Variants in EFHC2 observed in about 807,000 individuals in gnomAD.
The protein encoded by EFHC2 is EF-hand domain-containing family member C2.
A neutral mutation model predicts 52.7 loss-of-function variants in EFHC2; 18 were observed. The observed-to-expected ratio is 0.34, with a 90% CI of 0.24 to 0.51. The LOEUF is 0.51. Among genes scored for constraint, EFHC2 ranks in the 20% least tolerant of loss-of-function variants. The pLI is 0.97. For missense variants in EFHC2, 513 were observed against 562.5 expected (o/e 0.91, Z 0.89); for synonymous variants, 203 against 204.1 (o/e 0.99, Z 0.04).
intron 8 of EFHC2, among the ~76,000 whole-genome samples, chrX:44,236,133 G>A (rs1444598032): frequency 9.1e-6 from 1 of 109,372 alleles, no homozygotes; most frequent in Non-Finnish European, 1.9e-5. Flanking sequence ...TTTTTACATT[G>A]TAAGTATTCA....
intron 2 of EFHC2, among the ~76,000 whole-genome samples, chrX:44,290,756 C>T (rs1182088478): frequency 8.9e-6 from 1 of 111,996 alleles, no homozygotes; most frequent in African/African-American, 3.2e-5. Context: ...TATGAGTTGA[C>T]CCAACCTCCA....
At chrX:44,253,722 G>T (rs1234035918) in intron 4 of EFHC2, among the ~76,000 whole-genome samples, 1 of 112,126 alleles carries the variant, frequency 8.9e-6, no homozygotes, top group Non-Finnish European at 1.9e-5. Flanking sequence ...CGTTCCTCCT[G>T]CCAGCTCTAA....
chrX:44,327,269 A>G (rs2038058850), intron 1 of EFHC2, among the ~76,000 whole-genome samples: 1 of 111,924 alleles, frequency 8.9e-6, no homozygotes, highest in African/African-American at 3.2e-5. Context: ...GGAAGGGAGG[A>G]AATAGACCAA....
At chrX:44,256,377 AATAG>A (rs1468980809) in intron 4 of EFHC2, among the ~76,000 whole-genome samples, 2 of 111,923 alleles carry the variant, frequency 1.8e-5, no homozygotes, top group African/African-American at 6.5e-5. Context: ...AGATCAACAA[AATAG>A]ATAGACTGCT....
At chrX:44,258,030 G>C (rs983412211) in intron 4 of EFHC2, among the ~76,000 whole-genome samples, 2 of 111,933 alleles carry the variant, frequency 1.8e-5, no homozygotes, top group Non-Finnish European at 3.8e-5. Context: ...AACAAGCAAT[G>C]AGGAAAGGAT....
intron 11 of EFHC2, among the ~76,000 whole-genome samples, chrX:44,192,753 A>G (rs1163859924): frequency 9.0e-6 from 1 of 111,235 alleles, no homozygotes; most frequent in African/African-American, 3.3e-5. Flanking sequence ...CCAGTTTTCT[A>G]TTAGTGCCTC....
intron 2 of EFHC2, among the ~76,000 whole-genome samples, chrX:44,274,015 A>G (rs752611875): frequency 8.9e-6 from 1 of 112,273 alleles, no homozygotes; most frequent in African/African-American, 3.2e-5. Context: ...AGAAGCCCAC[A>G]CTTCAGAAGT....
At chrX:44,279,978 A>G (rs1010914815) in intron 2 of EFHC2, among the ~76,000 whole-genome samples, 1 of 106,489 alleles carries the variant, frequency 9.4e-6, no homozygotes, top group Non-Finnish European at 1.9e-5. Context: ...CATTGGCCAC[A>G]CTGTCCACCA....
chrX:44,159,938 T>C (rs977843934), intron 14 of EFHC2, among the ~76,000 whole-genome samples: 13 of 112,773 alleles, frequency 1.2e-4, no homozygotes, highest in African/African-American at 4.2e-4. Context: ...AAGTGACTTG[T>C]GTATATTGAC....
intron 2 of EFHC2, chrX:44,309,456 G>A (rs2147380226): frequency 1.0e-5 from 12 of 1,181,412 alleles, no homozygotes; most frequent in South Asian, 1.8e-5. Flanking sequence ...TCTCTACTCC[G>A]AAAACCTTGC....
intron 7 of EFHC2, among the ~76,000 whole-genome samples, chrX:44,247,452 G>A (rs1317156327): frequency 1.8e-5 from 2 of 111,671 alleles, no homozygotes; most frequent in Middle Eastern, 4.7e-3. Flanking sequence ...CCAAGGTTCA[G>A]AAAGAAGTAC....
intron 1 of EFHC2, among the ~76,000 whole-genome samples, chrX:44,331,580 A>G (rs2147396919): frequency 8.9e-6 from 1 of 112,136 alleles, no homozygotes; most frequent in East Asian, 2.8e-4. Flanking sequence ...AGATCAGTGG[A>G]GTATATCAAT....
intron 13 of EFHC2, among the ~76,000 whole-genome samples, chrX:44,168,547 A>C (rs1448235962): frequency 9.1e-6 from 1 of 110,405 alleles, no homozygotes; most frequent in Non-Finnish European, 1.9e-5. Context: ...AAAAAAAAAA[A>C]AAAGAAAGCA....
intron 1 of EFHC2, among the ~76,000 whole-genome samples, chrX:44,318,852 T>C (rs1308518179): frequency 1.8e-5 from 2 of 111,025 alleles, no homozygotes; most frequent in Non-Finnish European, 3.8e-5. Flanking sequence ...GGTTGCCAAA[T>C]TGAACATTGT....
chrX:44,294,963 T>C (rs1043964773), intron 2 of EFHC2, among the ~76,000 whole-genome samples: 1 of 112,170 alleles, frequency 8.9e-6, no homozygotes, highest in Non-Finnish European at 1.9e-5. Context: ...TTAAGTACTT[T>C]TATACTCTTA....
rs191524020 is a variant in EFHC2 at position 44,295,800 on chromosome X, A to G, written c.231+16768T>C. ...TATTTGTGTAAGCATACACAAAAAT[A>G]TATCATTTAGTAAGTTAACATTTAG... On this transcript the variant is annotated intron_variant, in intron 2 of 14. Coordinates refer to ENST00000420999, the MANE Select transcript of EFHC2 (RefSeq NM_025184.4). 8.1e-5 allele frequency among the ~76,000 whole-genome samples: 9 copies of G among 111,513 alleles called. No homozygotes were observed. In the East Asian group the frequency reaches 2.3e-3, roughly 28 times the overall value.
chrX:44,272,588 A>C, intron 3 of EFHC2, 98 bp downstream of exon 3: 5 of 913,412 alleles, frequency 5.5e-6, no homozygotes, highest in Non-Finnish European at 7.5e-6. Context: ...TAGACAGCCT[A>C]AACAGTAGCA....
chrX:44,236,514 T>C (rs778982875), intron 8 of EFHC2, among the ~76,000 whole-genome samples: 1 of 112,638 alleles, frequency 8.9e-6, no homozygotes, highest in East Asian at 2.8e-4. Flanking sequence ...TTTCCTTGTG[T>C]TCACAGTGAT....
In EFHC2 at chrX:44,178,418, A is replaced by G. The variant is rs2036806622; in HGVS notation, c.1898T>C (p.Phe633Ser). The G allele has an allele frequency of 8.3e-7, 1 of 1,202,401 alleles. No individual in the cohort carries two copies. Among genetic ancestry groups the G allele is most frequent in the African/African-American group, 1.7e-5 (1 of 57,195 alleles). The change falls in exon 12 of 15, where the codon TTT becomes TCT. Residue 633 changes from phenylalanine (F) to serine (S), a missense_variant. Coordinates refer to ENST00000420999, the MANE Select transcript of EFHC2 (RefSeq NM_025184.4). ...ATAAATGAAAGTGTCGAAATTCTCA[A>G]ACATATTTTTCTTGAACTTTTCGTG... ...LAHEKFKKNM[F>S]ENFDTFIYSC...
Sources: allele counts gnomAD v4.1 joint callset (sites outside exome capture counted in the v4.1 genomes callset), GRCh38; gene constraint gnomAD v4.1.1; transcripts MANE v1.5; gene names NCBI Gene and HGNC (gene_info 2026-07-23, HGNC 2026-07-21).